The following CDH18 variants were observed in gnomAD, a reference collection of about 807,000 sequenced individuals.
CDH18 encodes cadherin 18, also known as cadherin-18.
Under a neutral mutation model 67.9 loss-of-function variants are expected in CDH18, and 31 were observed. The ratio of observed to expected loss-of-function variants is 0.46; its 90% CI spans 0.34 to 0.62. CDH18 has a LOEUF of 0.62. Ranked by LOEUF, CDH18 falls within the 20% of genes least tolerant of loss-of-function variation. CDH18 has a pLI of 0.01. For missense variants in CDH18, 890 were observed against 975.5 expected (o/e 0.91, Z 1.17); for synonymous variants, 362 against 347.2 (o/e 1.04, Z -0.48).
chr5:20,074,382 C>T (rs1743747377), intron 2 of CDH18, among the ~76,000 whole-genome samples: 1 of 152,046 alleles, frequency 6.6e-6, no homozygotes, highest in Non-Finnish European at 1.5e-5. Context: ...ACTGATTTAG[C>T]TCACTATTGA....
intron 2 of CDH18, among the ~76,000 whole-genome samples, chr5:20,237,627 A>G (rs1269308331): frequency 6.6e-6 from 1 of 151,968 alleles, no homozygotes; most frequent in Non-Finnish European, 1.5e-5. Flanking sequence ...TCTGTACTAT[A>G]AAAACTATAA....
chr5:19,811,599 A>G (rs1290151756), intron 3 of CDH18, among the ~76,000 whole-genome samples: 1 of 152,196 alleles, frequency 6.6e-6, no homozygotes, highest in Non-Finnish European at 1.5e-5. Context: ...TCTAGGAAAT[A>G]AATACACAGA....
intron 5 of CDH18, among the ~76,000 whole-genome samples, chr5:19,711,568 A>G (rs1423455251): frequency 1.3e-5 from 2 of 151,822 alleles, no homozygotes; most frequent in Non-Finnish European, 2.9e-5. Context: ...AATGCTCAAC[A>G]TCACTATTCA....
intron 2 of CDH18, chr5:19,877,978 T>C (rs532099121): frequency 2.2e-4 from 34 of 152,092 alleles, no homozygotes; most frequent in Non-Finnish European, 3.2e-4. Flanking sequence ...ATAATGTTAT[T>C]ATGATGATTC....
chr5:20,058,403 A>T (rs994253782), intron 2 of CDH18, among the ~76,000 whole-genome samples: 1 of 152,084 alleles, frequency 6.6e-6, no homozygotes, highest in African/African-American at 2.4e-5. Flanking sequence ...TTGGACCACA[A>T]TGAAAAAAAA....
chr5:19,879,940 C>T (rs1438965590), intron 2 of CDH18, among the ~76,000 whole-genome samples: 1 of 151,886 alleles, frequency 6.6e-6, no homozygotes, highest in Non-Finnish European at 1.5e-5. Context: ...TGCTTGAAAT[C>T]CTGTTGTGTC....
At chr5:19,930,861 A>G (rs919597600) in intron 2 of CDH18, among the ~76,000 whole-genome samples, 3 of 152,086 alleles carry the variant, frequency 2.0e-5, no homozygotes, top group African/African-American at 7.2e-5. Flanking sequence ...TAAATAAACC[A>G]AAGTCTTAAG....
chr5:20,548,926 T>G (rs1034267842), intron 1 of CDH18, among the ~76,000 whole-genome samples: 1 of 152,174 alleles, frequency 6.6e-6, no homozygotes, highest in East Asian at 1.9e-4. Flanking sequence ...CGATTCACAG[T>G]GGTGTAGGAT....
At chr5:20,182,047 C>G (rs1737723834) in intron 2 of CDH18, among the ~76,000 whole-genome samples, 1 of 152,090 alleles carries the variant, frequency 6.6e-6, no homozygotes, top group Non-Finnish European at 1.5e-5. Flanking sequence ...GATTATCTAT[C>G]TTTACAAATC....
At chr5:19,639,671 C>G (rs1753750757) in intron 5 of CDH18, among the ~76,000 whole-genome samples, 1 of 152,176 alleles carries the variant, frequency 6.6e-6, no homozygotes, top group South Asian at 2.1e-4. Flanking sequence ...CTATAAACAT[C>G]AGAGCCACTG....
At chr5:19,921,708 TA>T (rs1792502699) in intron 2 of CDH18, among the ~76,000 whole-genome samples, 1 of 152,052 alleles carries the variant, frequency 6.6e-6, no homozygotes, top group Admixed American at 6.6e-5. Flanking sequence ...AACAAAGTCT[TA>T]AAAAGGGATA....
intron 5 of CDH18, among the ~76,000 whole-genome samples, chr5:19,720,647 T>A (rs1765966970): frequency 6.6e-6 from 1 of 152,170 alleles, no homozygotes; most frequent in Admixed American, 6.5e-5. Context: ...TATGACAGGA[T>A]ATAACTGATG....
intron 1 of CDH18, among the ~76,000 whole-genome samples, chr5:20,271,649 A>T (rs1745442836): frequency 6.6e-6 from 1 of 152,110 alleles, no homozygotes; most frequent in African/African-American, 2.4e-5. Flanking sequence ...ACACTCAAAC[A>T]CACAGGAAGA....
At chr5:20,021,273 G>T (rs937987067) in intron 2 of CDH18, among the ~76,000 whole-genome samples, 2 of 152,084 alleles carry the variant, frequency 1.3e-5, no homozygotes, top group Non-Finnish European at 2.9e-5. Context: ...TATCTTGAAT[G>T]GGACTTTGGA....
chr5:19,749,608 T>C (rs1404174244), intron 3 of CDH18, among the ~76,000 whole-genome samples: 4 of 150,908 alleles, frequency 2.7e-5, no homozygotes, highest in African/African-American at 9.7e-5. Context: ...TAAGGATATT[T>C]AAAGAAGAAT....
intron 1 of CDH18, among the ~76,000 whole-genome samples, chr5:20,401,071 T>C (rs1334662843): frequency 2.0e-5 from 3 of 152,180 alleles, no homozygotes; most frequent in African/African-American, 4.8e-5. Context: ...ATAAATTATA[T>C]TGAGATGTGT....
intron 1 of CDH18, among the ~76,000 whole-genome samples, chr5:20,423,972 A>G (rs1323330125): frequency 6.9e-6 from 1 of 145,626 alleles, no homozygotes; most frequent in Non-Finnish European, 1.5e-5. Flanking sequence ...AAAAAAAAAA[A>G]TTGTCCTAGA....
intron 6 of CDH18, among the ~76,000 whole-genome samples, chr5:19,608,692 T>C (rs1344931045): frequency 6.6e-6 from 1 of 151,772 alleles, no homozygotes; most frequent in Non-Finnish European, 1.5e-5. Context: ...CAGTCACAAG[T>C]GAGTTTACGT....
chr5:20,400,823 TAAAC>T (rs891515856), intron 1 of CDH18, among the ~76,000 whole-genome samples: 10 of 152,160 alleles, frequency 6.6e-5, no homozygotes, highest in African/African-American at 2.4e-4. Context: ...AGTAAATAAG[TAAAC>T]AAATAAACCT....
Sources: gnomAD v4.1 joint callset for allele counts (sites outside exome capture counted in the v4.1 genomes callset) on GRCh38, gnomAD v4.1.1 for gene constraint, MANE v1.5 for transcripts, NCBI Gene and HGNC (gene_info 2026-07-23, HGNC 2026-07-21) for gene names.